CEP128: variants seen among roughly 807,000 people sequenced by gnomAD.
The protein encoded by CEP128 is centrosomal protein 128kDa.
CEP128 carries 132 observed loss-of-function variants against 156.7 expected under a neutral mutation model. That is an observed-to-expected ratio of 0.84 (90% CI 0.73 to 0.97). The LOEUF is 0.97. Among genes scored for constraint, CEP128 ranks in the 50% least tolerant of loss-of-function variants. The pLI is 0.00. For missense variants in CEP128, 1,252 were observed against 1,281.9 expected, an observed-to-expected ratio of 0.98 and a Z score of 0.36; for synonymous variants, 469 against 448.9, an observed-to-expected ratio of 1.04 and a Z score of -0.57.
chr14:80,710,469 A>G (rs1897362228), intron 19 of CEP128, among the ~76,000 whole-genome samples: 2 of 152,282 alleles, frequency 1.3e-5, no homozygotes, highest in East Asian at 3.9e-4. Flanking sequence ...TTGTGAAAAC[A>G]TAAGAGTAAC....
rs142603239 is a variant in CEP128 at position 80,543,383 on chromosome 14, C to T, written c.2881-12497G>A. Among the ~76,000 whole-genome samples, 36 of 152,216 alleles carry T rather than the reference C, an allele frequency of 2.4e-4. No individual in the cohort carries two copies. The East Asian group carries it at 6.4e-3, about 27-fold the overall frequency. On this transcript the variant is annotated intron_variant, in intron 21 of 24. Coordinates refer to ENST00000555265, the MANE Select transcript of CEP128 (RefSeq NM_152446.5). ...CCAAACCATACTTAGTTAAAAGTAC[C>T]AATAATCTGAAGTTAGAGCAATATA...
At chr14:80,789,503 A>C (rs1901592205) in intron 14 of CEP128, among the ~76,000 whole-genome samples, 1 of 152,178 alleles carries the variant, frequency 6.6e-6, no homozygotes, top group Non-Finnish European at 1.5e-5. Flanking sequence ...TTGAACTTTG[A>C]AGTTACTAAG....
chr14:80,919,684 AT>A (rs1184272403), intron 2 of CEP128, among the ~76,000 whole-genome samples: 4 of 152,186 alleles, frequency 2.6e-5, no homozygotes, highest in African/African-American at 9.7e-5. Flanking sequence ...AAAGCAGAAA[AT>A]CTTACTGGTA....
chr14:80,707,172 CTGTT>C (rs1009082142), intron 19 of CEP128, among the ~76,000 whole-genome samples: 7 of 152,036 alleles, frequency 4.6e-5, no homozygotes, highest in African/African-American at 1.7e-4. Flanking sequence ...TAGACATTGT[CTGTT>C]ATGTTATGAG....
intron 11 of CEP128, 40 bp from the exon 12 acceptor site, chr14:80,836,377 C>A: frequency 6.2e-7 from 1 of 1,611,784 alleles, no homozygotes; most frequent in Non-Finnish European, 8.5e-7. Flanking sequence ...TTTTCACAAT[C>A]AGAGAAAGAC....
intron 13 of CEP128, among the ~76,000 whole-genome samples, chr14:80,813,424 T>C (rs1422056679): frequency 1.3e-5 from 2 of 152,162 alleles, no homozygotes; most frequent in African/African-American, 4.8e-5. Context: ...GTTTATAATT[T>C]TTTTTCAATT....
chr14:80,762,376 T>A (rs1900016461), intron 16 of CEP128, among the ~76,000 whole-genome samples: 1 of 152,120 alleles, frequency 6.6e-6, no homozygotes, highest in African/African-American at 2.4e-5. Context: ...AAATCCATGA[T>A]GGCTAGCTAT....
intron 14 of CEP128, among the ~76,000 whole-genome samples, chr14:80,786,871 G>T (rs548503792): frequency 6.6e-6 from 1 of 152,084 alleles, no homozygotes; most frequent in Admixed American, 6.6e-5. Flanking sequence ...TATTTGGAAG[G>T]CTCAGGCGGG....
In CEP128 at chr14:80,579,787, C is replaced by T. The variant is rs145592322; in HGVS notation, c.2856+587G>A. On this transcript the variant is annotated intron_variant, in intron 20 of 24. Coordinates refer to ENST00000555265, the MANE Select transcript of CEP128 (RefSeq NM_152446.5). ...TTGAGTTACCCATTTGTAAGTTAGC[C>T]CAATGTGAAAAGAAGAGAGAACTTC... 6.8e-3 allele frequency among the ~76,000 whole-genome samples: 1,030 copies of T among 152,224 alleles called. 7 individuals carry two copies. The highest frequency in any genetic ancestry group is 9.4e-3 in the Non-Finnish European group (637 of 68,010).
chr14:80,864,573 T>G (rs1887676348), intron 8 of CEP128, among the ~76,000 whole-genome samples: 1 of 152,092 alleles, frequency 6.6e-6, no homozygotes, highest in African/African-American at 2.4e-5. Context: ...TTTTTTTTTT[T>G]TTTGAGACAG....
chr14:80,785,447 A>G lies in CEP128; in HGVS notation c.1659T>C (p.Arg553=). 1 of 1,613,998 alleles carries G rather than the reference A, an allele frequency of 6.2e-7. No individual in the cohort carries two copies. Among genetic ancestry groups the G allele is most frequent in the Non-Finnish European group, 8.5e-7 (1 of 1,179,932 alleles). The change falls in exon 15 of 25, where the codon CGT becomes CGC. Residue 553 remains arginine, a synonymous_variant. Coordinates refer to ENST00000555265, the MANE Select transcript of CEP128 (RefSeq NM_152446.5). The part of the protein sequence containing the change: ...RKELNDVLTK[R]ALQEEELHSK... ...AGTGAAGCTCCTCCTCCTGAAGGGCACGCTTTGTTAGGACATCATTCAATT... is the reference window on the plus strand; with the variant it reads ...AGTGAAGCTCCTCCTCCTGAAGGGCGCGCTTTGTTAGGACATCATTCAATT...
intron 19 of CEP128, among the ~76,000 whole-genome samples, chr14:80,621,439 A>G (rs1482924099): frequency 6.6e-6 from 1 of 152,180 alleles, no homozygotes; most frequent in African/African-American, 2.4e-5. Flanking sequence ...ATAACAAAAC[A>G]TTGTGTTCTT....
At chr14:80,593,517 AGCCTGGGTG>A in intron 19 of CEP128, among the ~76,000 whole-genome samples, 1 of 146,026 alleles carries the variant, frequency 6.8e-6, no homozygotes. Flanking sequence ...CTTGCACTCC[AGCCTGGGTG>A]ACAGAGCAAG....
chr14:80,867,279 A>G (rs1439605573), intron 8 of CEP128, among the ~76,000 whole-genome samples: 1 of 152,216 alleles, frequency 6.6e-6, no homozygotes, highest in African/African-American at 2.4e-5. Context: ...GAATAAAGGG[A>G]TGATTCATGT....
chr14:80,823,476 G>T (rs1222784849), intron 13 of CEP128, among the ~76,000 whole-genome samples: 1 of 152,098 alleles, frequency 6.6e-6, no homozygotes, highest in Non-Finnish European at 1.5e-5. Context: ...TCTGATTTTT[G>T]GCAGTCCACT....
At chr14:80,488,966 A>T (rs1237022560), downstream of CEP128, among the ~76,000 whole-genome samples, 2 of 127,392 alleles carry the variant, frequency 1.6e-5, no homozygotes, top group African/African-American at 5.9e-5. Flanking sequence ...GGGGAACATC[A>T]CACTCCAGGG....
At chr14:80,682,780 G>A (rs1437733458) in intron 19 of CEP128, among the ~76,000 whole-genome samples, 1 of 152,180 alleles carries the variant, frequency 6.6e-6, no homozygotes, top group Non-Finnish European at 1.5e-5. Context: ...AGAGATTGGG[G>A]CCTATGTTCG....
chr14:80,723,650 A>G (rs1294670675), intron 19 of CEP128, among the ~76,000 whole-genome samples: 1 of 152,212 alleles, frequency 6.6e-6, no homozygotes, highest in African/African-American at 2.4e-5. Flanking sequence ...TGATTTTAGC[A>G]CTTGTTTTTA....
chr14:80,505,221 A>G (rs761011495), intron 23 of CEP128, among the ~76,000 whole-genome samples: 2 of 152,266 alleles, frequency 1.3e-5, no homozygotes, highest in African/African-American at 2.4e-5. Flanking sequence ...ACCCATTGCT[A>G]TAGCAACATG....
Sources: gnomAD v4.1 joint callset for allele counts (sites outside exome capture counted in the v4.1 genomes callset) on GRCh38, gnomAD v4.1.1 for gene constraint, MANE v1.5 for transcripts, NCBI Gene and HGNC (gene_info 2026-07-23, HGNC 2026-07-21) for gene names.